Variants in TMC7 observed in about 807,000 individuals in gnomAD.
TMC7 encodes transmembrane channel-like protein 7.
In TMC7, 54 loss-of-function variants were observed where a neutral mutation model predicts 82.9. That is an observed-to-expected ratio of 0.65 (90% CI 0.52 to 0.82). TMC7 has a LOEUF of 0.82. Among genes scored for constraint, TMC7 ranks in the 40% least tolerant of loss-of-function variants. The pLI is 0.00. For synonymous variants in TMC7, 350 were observed against 337.9 expected (o/e 1.04, Z -0.39); for missense variants, 820 against 901.2 (o/e 0.91, Z 1.15).
chr16:19,042,895 C>T (rs1159349008), intron 9 of TMC7, among the ~76,000 whole-genome samples: 2 of 152,052 alleles, frequency 1.3e-5, no homozygotes, highest in South Asian at 2.1e-4. Context: ...TACAGGCCCC[C>T]GCCACCATGC....
chr16:19,032,634 GT>G (rs1960569267), intron 6 of TMC7, among the ~76,000 whole-genome samples: 1 of 151,306 alleles, frequency 6.6e-6, no homozygotes, highest in African/African-American at 2.4e-5. Context: ...AAGGTTTTTT[GT>G]TTTTGTTTTT....
At chr16:19,032,520 G>A (rs1456700159) in intron 6 of TMC7, among the ~76,000 whole-genome samples, 1 of 148,114 alleles carries the variant, frequency 6.8e-6, no homozygotes, top group Non-Finnish European at 1.5e-5. Context: ...TTAAGACAAA[G>A]AGTATGAAAA....
intron 9 of TMC7, among the ~76,000 whole-genome samples, chr16:19,041,849 T>C (rs1000437602): frequency 2.6e-5 from 4 of 152,128 alleles, no homozygotes; most frequent in Admixed American, 6.6e-5. Flanking sequence ...TAAATCTCTT[T>C]TATTATTTTC....
intron 12 of TMC7, among the ~76,000 whole-genome samples, chr16:19,047,738 AGTCTCGCTCT>A (rs1429572151): frequency 3.4e-5 from 4 of 119,312 alleles, no homozygotes; most frequent in Admixed American, 9.9e-5. Flanking sequence ...TTTGAGATAG[AGTCTCGCTCT>A]GTCATCCAGG....
intron 5 of TMC7, among the ~76,000 whole-genome samples, chr16:19,029,651 A>T (rs1023560409): frequency 6.6e-6 from 1 of 150,986 alleles, no homozygotes; most frequent in Non-Finnish European, 1.5e-5. Flanking sequence ...CTGGGATTAC[A>T]GGTGTGAGCC....
At chr16:19,007,888 T>TATAACA (rs1287246905) in intron 1 of TMC7, among the ~76,000 whole-genome samples, 1 of 151,982 alleles carries the variant, frequency 6.6e-6, no homozygotes, top group Non-Finnish European at 1.5e-5. Flanking sequence ...GCCGCGTGAG[T>TATAACA]AGGGCACTTG....
intron 12 of TMC7, among the ~76,000 whole-genome samples, chr16:19,050,991 A>T (rs2142301763): frequency 6.6e-6 from 1 of 152,180 alleles, no homozygotes; most frequent in East Asian, 1.9e-4. Context: ...GCCTCAAGTG[A>T]TCCTCCCGTT....
chr16:19,048,323 G>A (rs981340857), intron 12 of TMC7, among the ~76,000 whole-genome samples: 2 of 151,886 alleles, frequency 1.3e-5, no homozygotes, highest in East Asian at 3.9e-4. Flanking sequence ...GACCCTGGGC[G>A]GTTCACAGTC....
chr16:19,009,557 A>C, intron 2 of TMC7, 142 bp downstream of exon 2: 1 of 1,096,052 alleles, frequency 9.1e-7, no homozygotes, highest in Non-Finnish European at 1.3e-6. Context: ...TGACAAACAT[A>C]CCTGAATTTT....
intron 1 of TMC7, among the ~76,000 whole-genome samples, chr16:18,992,379 G>C (rs1304152438): frequency 6.6e-6 from 1 of 152,146 alleles, no homozygotes; most frequent in East Asian, 1.9e-4. Context: ...GTGTCTGTTG[G>C]CTTCTTAAAT....
intron 2 of TMC7, among the ~76,000 whole-genome samples, chr16:19,015,217 G>A (rs1959621012): frequency 6.6e-6 from 1 of 151,850 alleles, no homozygotes; most frequent in Non-Finnish European, 1.5e-5. Flanking sequence ...GCCTGCCTTG[G>A]CCTCCCAAAG....
chr16:18,994,293 A>T (rs1408159445), intron 1 of TMC7, among the ~76,000 whole-genome samples: 1 of 152,068 alleles, frequency 6.6e-6, no homozygotes, highest in Non-Finnish European at 1.5e-5. Flanking sequence ...TTAAAGCAGC[A>T]GCAGCAGCCG....
intron 1 of TMC7, 23 bp downstream of exon 1, chr16:18,984,153 CG>C: frequency 1.3e-6 from 2 of 1,488,100 alleles, no homozygotes; most frequent in Admixed American, 2.2e-5. Context: ...GGAGCGCGCG[CG>C]GGGACGGTGC....
intron 1 of TMC7, among the ~76,000 whole-genome samples, chr16:19,004,872 GT>G (rs926960322): frequency 3.3e-4 from 49 of 147,232 alleles, no homozygotes; most frequent in East Asian, 3.0e-3. Context: ...TGTCTTTTGG[GT>G]TTTTTTTTTC....
chr16:19,004,659 C>T (rs893972699), intron 1 of TMC7, among the ~76,000 whole-genome samples: 4 of 152,130 alleles, frequency 2.6e-5, no homozygotes, highest in African/African-American at 9.7e-5. Flanking sequence ...GCCACCGTGC[C>T]CAGCTTATAC....
intron 10 of TMC7, 79 bp from the exon 11 acceptor site, chr16:19,045,262 A>G: frequency 8.7e-7 from 1 of 1,155,698 alleles, no homozygotes; most frequent in Admixed American, 1.7e-5. Context: ...TGGAAAGGGA[A>G]TTAGAAGGTG....
rs755335346 is a variant in TMC7, at chr16:19,059,439, C to T, written c.2051C>T (p.Ala684Val). Residue 684 changes from alanine to valine, a missense_variant, in exon 15 of 16, where the codon GCC becomes GTC. Ala to Val is a moderately conservative substitution (Grantham distance 64, BLOSUM62 0). This residue lies in a region of TMC7 where 170 missense variants were observed against 231.3 expected (regional missense o/e 0.74). Coordinates refer to ENST00000304381, the MANE Select transcript of TMC7 (RefSeq NM_024847.4). The stretch of plus-strand genomic sequence containing the variant: ...AGCCTCATCATGTTTTACTTCATTG[C>T]CTTAGCTGGAGCACACAAACGGGTG... ...IICLIMFYFI[A>V]LAGAHKRVVI... The T allele has an allele frequency of 1.2e-6, 2 of 1,613,934 alleles. No homozygotes were observed. The highest frequency in any genetic ancestry group is 1.7e-6 in the Non-Finnish European group (2 of 1,180,042).
At chr16:19,045,185 A>G in intron 10 of TMC7, 156 bp from the exon 11 acceptor site, 1 of 821,072 alleles carries the variant, frequency 1.2e-6, no homozygotes, top group South Asian at 1.6e-5. Context: ...CTTGGAAACC[A>G]AGGTCTGTGC....
intron 8 of TMC7, 75 bp downstream of exon 8, chr16:19,038,122 T>A (rs980914259): frequency 7.0e-7 from 1 of 1,432,534 alleles, no homozygotes; most frequent in Non-Finnish European, 9.5e-7. Flanking sequence ...CCATCGTCAT[T>A]TCTGTTTTAC....
Sources: gnomAD v4.1 joint callset for allele counts (sites outside exome capture counted in the v4.1 genomes callset) on GRCh38, gnomAD v4.1.1 for gene constraint, gnomAD v4.1.1 regional missense constraint, MANE v1.5 for transcripts, NCBI Gene and HGNC (gene_info 2026-07-23, HGNC 2026-07-21) for gene names.